Variants in NFAT5 observed in about 807,000 individuals in gnomAD.
NFAT5 encodes the protein nuclear factor of activated T-cells 5.
Under a neutral mutation model 166.5 loss-of-function variants are expected in NFAT5, and 31 were observed. The observed-to-expected ratio is 0.19, with a 90% CI of 0.14 to 0.25. The LOEUF (loss-of-function observed/expected upper bound fraction) is 0.25. Among genes scored for constraint, NFAT5 ranks in the 10% least tolerant of loss-of-function variants. The pLI, the probability that NFAT5 is intolerant of heterozygous loss-of-function variation, is 1.00. For missense variants in NFAT5, 1,449 were observed against 1,821.8 expected (o/e 0.80, Z 3.72); for synonymous variants, 612 against 639.7 (o/e 0.96, Z 0.65).
intron 3 of NFAT5, chr16:69,646,633 C>A: frequency 1.5e-6 from 1 of 649,890 alleles, no homozygotes; most frequent in Non-Finnish European, 2.1e-6. Context: ...TTTTCAAATT[C>A]TATAATGAAT....
chr16:69,678,542 A>G (rs780605499), intron 10 of NFAT5, among the ~76,000 whole-genome samples: 14 of 152,266 alleles, frequency 9.2e-5, no homozygotes, highest in Middle Eastern at 3.4e-3. Context: ...GAAGATACCT[A>G]TTTATGAAGT....
At chr16:69,675,603 G>C (rs1238131852) in intron 9 of NFAT5, among the ~76,000 whole-genome samples, 1 of 152,100 alleles carries the variant, frequency 6.6e-6, no homozygotes, top group Non-Finnish European at 1.5e-5. Context: ...GAGGCATTCT[G>C]TTAATGCCGT....
intron 3 of NFAT5, chr16:69,646,476 G>A (rs1396600532): frequency 3.5e-6 from 3 of 850,168 alleles, no homozygotes; most frequent in Admixed American, 3.1e-5. Flanking sequence ...GGAATAATCA[G>A]CAGCTCTTTT....
chr16:69,592,971 T>C (rs991756831), intron 2 of NFAT5, among the ~76,000 whole-genome samples: 1 of 152,212 alleles, frequency 6.6e-6, no homozygotes. Flanking sequence ...ACTGGAACTA[T>C]TGGGAATTTT....
chr16:69,688,512 A>G (rs968143451), intron 11 of NFAT5, among the ~76,000 whole-genome samples: 2 of 151,510 alleles, frequency 1.3e-5, no homozygotes, highest in Admixed American at 6.6e-5. Context: ...GCCCTCTACC[A>G]CACCTGGCTT....
chr16:69,671,158 C>T (rs1175050674), intron 9 of NFAT5, among the ~76,000 whole-genome samples: 1 of 152,120 alleles, frequency 6.6e-6, no homozygotes, highest in East Asian at 1.9e-4. Context: ...TATATTGCCA[C>T]ACTCAAGGCT....
chr16:69,684,006 C>T (rs950197489), intron 10 of NFAT5, among the ~76,000 whole-genome samples: 2 of 150,454 alleles, frequency 1.3e-5, no homozygotes, highest in African/African-American at 2.4e-5. Context: ...GGCTGAGGCA[C>T]GAGAATCCCT....
At chr16:69,597,516 C>T (rs146615765) in intron 2 of NFAT5, among the ~76,000 whole-genome samples, 95 of 152,072 alleles carry the variant, frequency 6.2e-4, no homozygotes, top group African/African-American at 1.8e-3. Flanking sequence ...TCATTCCTAG[C>T]ATGATTTCTT....
At chr16:69,579,892 T>C (rs1470123208) in intron 2 of NFAT5, among the ~76,000 whole-genome samples, 1 of 152,190 alleles carries the variant, frequency 6.6e-6, no homozygotes, top group Non-Finnish European at 1.5e-5. Flanking sequence ...AATAATAGAC[T>C]TATAGAACTG....
Position 69,692,945 on chromosome 16 carries a change from C to T in NFAT5, c.3120C>T (p.Asn1040=). 1 of 1,614,168 alleles carries T rather than the reference C, an allele frequency of 6.2e-7. No individual in the cohort carries two copies. ...QHSGDNQPQV[N]LFSSTKSMMS... The stretch of plus-strand genomic sequence containing the variant: ...GTGGGGACAATCAACCTCAAGTTAA[C>T]CTTTTTTCATCCACAAAAAGTATGA... Residue 1040 remains asparagine, a synonymous_variant, in exon 13 of 15, where the codon AAC becomes AAT. Transcript: ENST00000349945.
In NFAT5 at chr16:69,566,343, C is replaced by A; in HGVS notation, c.42C>A (p.Asp14Glu). ...DFISLLSADL[D>E]LESPKSLYSR... The stretch of plus-strand genomic sequence containing the variant: ...TCTCATTGCTCAGCGCGGACCTAGA[C>A]CTGGAATCGCCCAAGTCCCTCTACT... Residue 14 changes from aspartate (D) to glutamate (E), a missense_variant, in exon 1 of 15, where the codon GAC (aspartate) becomes GAA (glutamate). Asp to Glu is a conservative substitution (Grantham distance 45). Around this residue, in one of 7 missense-constraint regions of NFAT5, gnomAD observed 172 missense variants for 194.5 expected, o/e 0.88. Transcript: ENST00000349945. This position sits in a 1 kb window ranked among gnomAD's most constrained non-coding sequence, Gnocchi z 5.7. 6.2e-7 allele frequency: 1 copy of A among 1,608,702 alleles called. No individual in the cohort carries two copies. Among genetic ancestry groups the A allele is most frequent in the Non-Finnish European group, 8.5e-7 (1 of 1,178,394 alleles).
intron 7 of NFAT5, among the ~76,000 whole-genome samples, chr16:69,660,617 G>GTA (rs981335396): frequency 6.6e-6 from 1 of 152,110 alleles, no homozygotes; most frequent in African/African-American, 2.4e-5. Flanking sequence ...TAATATTATA[G>GTA]TATAGTGTTG....
chr16:69,675,787 G>A (rs184588089), intron 9 of NFAT5, among the ~76,000 whole-genome samples: 3 of 152,136 alleles, frequency 2.0e-5, no homozygotes, highest in African/African-American at 4.8e-5. Flanking sequence ...TTACAGGCAT[G>A]TGCCACCAGG....
chr16:69,613,104 C>T (rs2033779534), intron 2 of NFAT5, among the ~76,000 whole-genome samples: 1 of 152,178 alleles, frequency 6.6e-6, no homozygotes, highest in African/African-American at 2.4e-5. Context: ...TTTCCCAAGC[C>T]AGAGTTCTAT....
intron 2 of NFAT5, among the ~76,000 whole-genome samples, chr16:69,612,545 C>T (rs530891607): frequency 1.3e-5 from 2 of 152,028 alleles, no homozygotes; most frequent in Non-Finnish European, 2.9e-5. Context: ...CAAGCAATAA[C>T]TCTAAATAAA....
intron 10 of NFAT5, among the ~76,000 whole-genome samples, chr16:69,683,778 G>A (rs935234286): frequency 2.9e-4 from 44 of 152,070 alleles, no homozygotes; most frequent in African/African-American, 1.0e-3. Context: ...CCAGCACGGT[G>A]AAACCCCATC....
intron 2 of NFAT5, among the ~76,000 whole-genome samples, chr16:69,617,915 GGGAGGCCAAGGTGGGCGGATCACCT>G (rs2034027803): frequency 6.6e-6 from 1 of 152,070 alleles, no homozygotes. Flanking sequence ...CCAGCACTTT[GGGAGGCCAAGGTGGGCGGATCACCT>G]GAGGTCGGGA....
intron 2 of NFAT5, among the ~76,000 whole-genome samples, chr16:69,621,697 A>C (rs1308441577): frequency 6.6e-6 from 1 of 152,170 alleles, no homozygotes; most frequent in East Asian, 1.9e-4. Flanking sequence ...GGCCAGGTGC[A>C]GCTCATGTCT....
intron 3 of NFAT5, among the ~76,000 whole-genome samples, chr16:69,640,216 G>A (rs1053249869): frequency 6.6e-6 from 1 of 152,152 alleles, no homozygotes; most frequent in African/African-American, 2.4e-5. Flanking sequence ...GACAAATAGT[G>A]CCAGAGACAC....
Sources: gnomAD v4.1 joint callset for allele counts (sites outside exome capture counted in the v4.1 genomes callset) on GRCh38, gnomAD v4.1.1 for gene constraint, gnomAD v4.1.1 regional missense constraint, Gnocchi (gnomAD v3.1) non-coding constraint, MANE v1.5 for transcripts, NCBI Gene and HGNC (gene_info 2026-07-23, HGNC 2026-07-21) for gene names.